ARID1B: variants seen among roughly 807,000 people sequenced by gnomAD.
ARID1B encodes the protein AT-rich interaction domain 1B.
A neutral mutation model predicts 212.3 loss-of-function variants in ARID1B; 30 were observed. That is an observed-to-expected ratio of 0.14 (90% CI 0.11 to 0.19). The LOEUF is 0.19. Ranked by LOEUF, ARID1B falls within the 10% of genes least tolerant of loss-of-function variation. The pLI is 1.00. For missense variants in ARID1B, 2,891 were observed against 3,204.0 expected, an observed-to-expected ratio of 0.90 and a Z score of 2.36; for synonymous variants, 1,402 against 1,301.7, an observed-to-expected ratio of 1.08 and a Z score of -1.66.
At chr6:156,934,849 T>G (rs1792030090) in intron 3 of ARID1B, among the ~76,000 whole-genome samples, 2 of 145,970 alleles carry the variant, frequency 1.4e-5, no homozygotes. Flanking sequence ...TATGAACTAG[T>G]CTTCTTCCTG....
chr6:157,019,847 G>A lies in ARID1B; in HGVS notation c.2248-64815G>A, dbSNP rs1190676188. The stretch of plus-strand genomic sequence containing the variant: ...TATACCACAAGCATGTCAAATTGCC[G>A]AGGACACAACCATGCCATTCATTCT... On this transcript the variant is annotated intron_variant, in intron 4 of 19. Transcript: ENST00000636930. Among the ~76,000 whole-genome samples the A allele has an allele frequency of 2.6e-5, 4 of 152,126 alleles. No homozygotes were observed. In the East Asian group the frequency reaches 5.8e-4, roughly 22 times the overall value.
rs1408791694 is a variant in ARID1B at position 157,174,886 on chromosome 6, C to A, written c.3385C>A (p.Pro1129Thr). 1 of 1,551,344 alleles carries A rather than the reference C, an allele frequency of 6.4e-7. No homozygotes were observed. Among genetic ancestry groups the A allele is most frequent in the South Asian group, 1.2e-5 (1 of 83,164 alleles). ...TCAGGGTATTTCTCAGCCCCCAACCCCAGGCAACCTGCCAGTCCCTTCCCC... is the reference window on the plus strand; with the variant it reads ...TCAGGGTATTTCTCAGCCCCCAACCACAGGCAACCTGCCAGTCCCTTCCCC... Reference protein sequence around the residue: ...SSQGISQPPTPGNLPVPSPMS... With the variant: ...SSQGISQPPTTGNLPVPSPMS... Residue 1129 changes from proline to threonine, a missense_variant, in exon 11 of 20, where the codon CCA becomes ACA. This residue lies in a region of ARID1B where 666 missense variants were observed against 873.5 expected (regional missense o/e 0.76). Coordinates refer to ENST00000636930, the MANE Select transcript of ARID1B (RefSeq NM_001374828.1).
chr6:157,097,229 CACTT>C (rs1198865575), intron 5 of ARID1B, among the ~76,000 whole-genome samples: 20 of 152,302 alleles, frequency 1.3e-4, no homozygotes, highest in East Asian at 1.9e-4. Context: ...CATAAATTGA[CACTT>C]AATTCTATAT....
chr6:157,015,161 A>G (rs1404560075), intron 4 of ARID1B, among the ~76,000 whole-genome samples: 1 of 152,134 alleles, frequency 6.6e-6, no homozygotes, highest in African/African-American at 2.4e-5. Context: ...TGAAGAATAA[A>G]GAGTTGATGA....
At chr6:156,801,108 A>G (rs1780751459) in intron 1 of ARID1B, among the ~76,000 whole-genome samples, 1 of 151,538 alleles carries the variant, frequency 6.6e-6, no homozygotes, top group Non-Finnish European at 1.5e-5. Flanking sequence ...ATTTAAACCT[A>G]CTAGTACTGT....
chr6:156,779,692 C>T (rs1161598701), intron 1 of ARID1B: 10 of 220,692 alleles, frequency 4.5e-5, no homozygotes, highest in African/African-American at 1.2e-4. Context: ...CGGGCCGGGC[C>T]GGGCCGGGTG....
intron 4 of ARID1B, among the ~76,000 whole-genome samples, chr6:156,951,373 T>C (rs1793574063): frequency 6.6e-6 from 1 of 152,168 alleles, no homozygotes; most frequent in South Asian, 2.1e-4. Context: ...GCTACATTCC[T>C]GACTAGCAAA....
At chr6:156,843,481 C>T (rs1347766457) in intron 2 of ARID1B, among the ~76,000 whole-genome samples, 2 of 151,970 alleles carry the variant, frequency 1.3e-5, no homozygotes, top group Non-Finnish European at 2.9e-5. Flanking sequence ...CAGAGGACCA[C>T]GGCAGGGACA....
chr6:156,937,508 T>C (rs1419362236), intron 4 of ARID1B: 1 of 152,254 alleles, frequency 6.6e-6, no homozygotes, highest in East Asian at 1.9e-4. Context: ...GCTTTCTTCA[T>C]ATCTACTCAG....
chr6:157,039,871 TC>T (rs377569929), intron 4 of ARID1B, among the ~76,000 whole-genome samples: 3,638 of 81,436 alleles, frequency 0.045, 189 homozygotes, highest in Non-Finnish European at 0.055. Context: ...TCTCTCTTTC[TC>T]TTTCTTTTCT....
At chr6:157,142,374 A>C (rs1344624418) in intron 7 of ARID1B, among the ~76,000 whole-genome samples, 3 of 152,288 alleles carry the variant, frequency 2.0e-5, no homozygotes, top group East Asian at 3.9e-4. Flanking sequence ...GCCTGTAATC[A>C]CAGCACTTTG....
rs779739760 is a variant in ARID1B at position 157,201,208 on chromosome 6, G to C, written c.4983G>C (p.Pro1661=). ...SMQPITRPPQ[P]SYQTPPSLPN... is the part of the protein sequence containing the mutation. ...AGCCCATCACACGCCCACCACAGCC[G>C]TCCTACCAGACGCCACCGTCACTGC... The change falls in exon 18 of 20, where the codon CCG becomes CCC. Residue 1661 remains proline, a synonymous_variant. Transcript: ENST00000636930. This position sits in a 1 kb window ranked among gnomAD's most constrained non-coding sequence, Gnocchi z 5.2. 1 of 1,613,832 alleles carries C rather than the reference G, an allele frequency of 6.2e-7. No homozygotes were observed. The highest frequency in any genetic ancestry group is 1.7e-5 in the Admixed American group (1 of 60,018).
At chr6:156,797,344 A>T (rs1425095505) in intron 1 of ARID1B, among the ~76,000 whole-genome samples, 1 of 152,200 alleles carries the variant, frequency 6.6e-6, no homozygotes, top group African/African-American at 2.4e-5. Context: ...CATTTTCAAA[A>T]ATTGGTTTTA....
chr6:157,055,603 T>G (rs1470020633), intron 4 of ARID1B, among the ~76,000 whole-genome samples: 1 of 152,210 alleles, frequency 6.6e-6, no homozygotes, highest in African/African-American at 2.4e-5. Context: ...ATTTGAAAGG[T>G]AAGTGAGGTT....
intron 2 of ARID1B, among the ~76,000 whole-genome samples, chr6:156,880,793 G>T (rs1787017601): frequency 7.1e-6 from 1 of 140,706 alleles, no homozygotes; most frequent in Admixed American, 7.0e-5. Flanking sequence ...CACATTGATG[G>T]CTTTTGGTGG....
chr6:157,038,574 T>A (rs915842384), intron 4 of ARID1B, among the ~76,000 whole-genome samples: 1 of 152,154 alleles, frequency 6.6e-6, no homozygotes, highest in African/African-American at 2.4e-5. Flanking sequence ...CCTAATAAAT[T>A]TTTTATGTTT....
At chr6:156,800,147 C>G (rs920903695) in intron 1 of ARID1B, among the ~76,000 whole-genome samples, 3 of 152,140 alleles carry the variant, frequency 2.0e-5, no homozygotes, top group African/African-American at 7.2e-5. Flanking sequence ...TTCCCCTTTC[C>G]TAAAGAGAAA....
At chr6:157,067,405 G>C (rs1009335974) in intron 4 of ARID1B, among the ~76,000 whole-genome samples, 5 of 152,212 alleles carry the variant, frequency 3.3e-5, no homozygotes, top group African/African-American at 1.2e-4. Context: ...TTTGAAACTG[G>C]CCTGGTGCTA....
At chr6:156,903,694 C>A (rs1335052916) in intron 3 of ARID1B, among the ~76,000 whole-genome samples, 2 of 152,180 alleles carry the variant, frequency 1.3e-5, no homozygotes, top group Non-Finnish European at 2.9e-5. Context: ...AAAGTATTAT[C>A]AAAATCAAGC....
Sources: gnomAD v4.1 joint callset for allele counts (sites outside exome capture counted in the v4.1 genomes callset) on GRCh38, gnomAD v4.1.1 for gene constraint, gnomAD v4.1.1 regional missense constraint, Gnocchi (gnomAD v3.1) non-coding constraint, MANE v1.5 for transcripts, NCBI Gene and HGNC (gene_info 2026-07-23, HGNC 2026-07-21) for gene names.